EPN2: variants seen among roughly 807,000 people sequenced by gnomAD.
EPN2 encodes the protein epsin-2.
A neutral mutation model predicts 61.7 loss-of-function variants in EPN2; 34 were observed. The ratio of observed to expected loss-of-function variants is 0.55; its 90% CI spans 0.42 to 0.73. The LOEUF (loss-of-function observed/expected upper bound fraction) is 0.73, where lower values mean the gene tolerates loss of function less well. Ranked by LOEUF, EPN2 falls within the 30% of genes least tolerant of loss-of-function variation. EPN2 has a pLI of 0.00. For missense variants in EPN2, 714 were observed against 839.2 expected (o/e 0.85, Z 1.84); for synonymous variants, 349 against 353.6 (o/e 0.99, Z 0.15).
intron 1 of EPN2, among the ~76,000 whole-genome samples, chr17:19,256,639 G>A (rs2045083021): frequency 1.3e-5 from 2 of 152,048 alleles, no homozygotes; most frequent in Non-Finnish European, 2.9e-5. Context: ...TTTTCGGCTG[G>A]TGGCACCCCG....
intron 10 of EPN2, among the ~76,000 whole-genome samples, chr17:19,333,632 A>G (rs1395605988): frequency 3.9e-5 from 6 of 152,092 alleles, no homozygotes; most frequent in African/African-American, 1.4e-4. Context: ...GTGGTAGCTG[A>G]TGGCTGGTGA....
rs899229615 is a variant in EPN2, at chr17:19,336,059, G to C, written c.*1805G>C. ...CAGGAGAGATCTTAAATGGTCTCTG[G>C]GCTGCTGGGACATGCAGGCTCTGAG... is the stretch of plus-strand genomic sequence containing the variant. On this transcript the variant is annotated 3_prime_UTR_variant, in exon 11 of 11. Transcript: ENST00000314728. The C allele has an allele frequency of 6.6e-6, 1 of 152,266 alleles. No homozygotes were observed. The highest frequency in any genetic ancestry group is 2.4e-5 in the African/African-American group (1 of 41,446). The allele number at this position is 152,266 out of a possible 1,614,324, so 9.4% of individuals were successfully genotyped here. A position where few individuals can be genotyped will look rare whatever the true frequency, so the allele number is the denominator to read the frequency against.
chr17:19,286,680 C>T (rs2045408147), intron 4 of EPN2, among the ~76,000 whole-genome samples: 1 of 152,200 alleles, frequency 6.6e-6, no homozygotes, highest in South Asian at 2.1e-4. Context: ...ACAGTTCATT[C>T]ATGCCTCATT....
chr17:19,285,715 C>T lies in EPN2; in HGVS notation c.691C>T (p.Pro231Ser), dbSNP rs376511275. The stretch of plus-strand genomic sequence containing the variant: ...ACTGAGCCAGCGCCACCCCTTCCTG[C>T]CGCACCTGGGGCTGGCCTCCCGCCC... ...QPLSQRHPFL[P>S]HLGLASRPNG... The change falls in exon 4 of 11, where the codon CCG becomes TCG. Residue 231 changes from proline to serine, a missense_variant. Around this residue, in one of 2 missense-constraint regions of EPN2, gnomAD observed 304 missense variants for 417.4 expected, o/e 0.73. Transcript: ENST00000314728. This position sits in a 1 kb window ranked among gnomAD's most constrained non-coding sequence, Gnocchi z 4.5. 4.4e-6 allele frequency: 7 copies of T among 1,605,198 alleles called. No homozygotes were observed. The Admixed American group carries it at 8.4e-5, about 19-fold the overall frequency.
intron 4 of EPN2, among the ~76,000 whole-genome samples, chr17:19,300,262 C>G (rs994470852): frequency 2.0e-5 from 3 of 152,112 alleles, no homozygotes; most frequent in African/African-American, 7.2e-5. Flanking sequence ...GGTGTCAGAT[C>G]CCACGCCATT....
intron 7 of EPN2, among the ~76,000 whole-genome samples, chr17:19,328,311 G>A (rs1300744567): frequency 6.6e-6 from 1 of 152,126 alleles, no homozygotes; most frequent in Non-Finnish European, 1.5e-5. Context: ...GGCTGCCTGG[G>A]GCCCCTTGTC....
rs190945507 is a variant in EPN2 at position 19,260,726 on chromosome 17, C to T, written c.-293-21229C>T. On this transcript the variant is annotated intron_variant, in intron 1 of 10. Coordinates refer to ENST00000314728, the MANE Select transcript of EPN2 (RefSeq NM_014964.5). ...ATATTTTAAGAAATTTTGCCCCTCA[C>T]TCCTGATCTCATCTCTGTCCTCCCT... is the stretch of plus-strand genomic sequence containing the variant. 1.6e-3 allele frequency among the ~76,000 whole-genome samples: 248 copies of T among 151,980 alleles called. 1 individual carries two copies. The highest frequency in any genetic ancestry group is 5.5e-3 in the African/African-American group (226 of 41,448).
chr17:19,282,937 T>C lies in EPN2; in HGVS notation c.-170-13T>C. 1 of 577,412 alleles carries C rather than the reference T, an allele frequency of 1.7e-6. No individual in the cohort carries two copies. The highest frequency in any genetic ancestry group is 2.3e-5 in the South Asian group (1 of 44,354). 35.8% of individuals were successfully genotyped at this position (577,412 alleles called of 1,614,324 possible). A position where few individuals can be genotyped will look rare whatever the true frequency, so the allele number is the denominator to read the frequency against. ...GCTTACGTCGCAGTGGAATGGGTTT[T>C]CTCTTTCTCTAGGTCATGGCTTCCA... On this transcript the variant is annotated splice_polypyrimidine_tract_variant and intron_variant, in intron 2 of 10. Coordinates refer to ENST00000314728, the MANE Select transcript of EPN2 (RefSeq NM_014964.5).
In EPN2 at chr17:19,290,720, A is replaced by AAAAAAAAAAAAAAAG. The variant is rs1555600084; in HGVS notation, c.766+4935_766+4936insAAAAAAAAAGAAAAA. Among the ~76,000 whole-genome samples the AAAAAAAAAAAAAAAG allele has an allele frequency of 8.5e-5, 9 of 105,566 alleles. 3 individuals are homozygous for AAAAAAAAAAAAAAAG. The highest frequency in any genetic ancestry group is 1.9e-4 in the Admixed American group (2 of 10,368). The allele number at this position is 105,566 out of a possible 152,430, so 69.3% of individuals were successfully genotyped here. A position where few individuals can be genotyped will look rare whatever the true frequency, so the allele number is the denominator to read the frequency against. ...GTTCTCAAAAAAAAAAAAAAAGAAAAAAAAAGAAAAAGGAAGGCAGGCAGA... is the reference window on the plus strand; with the variant it reads ...GTTCTCAAAAAAAAAAAAAAAGAAAAAAAAAAAAAAAAAAGAAAAAGAAAAAGGAAGGCAGGCAGA... On this transcript the variant is annotated intron_variant, in intron 4 of 10. Coordinates refer to ENST00000314728, the MANE Select transcript of EPN2 (RefSeq NM_014964.5).
At chr17:19,247,753 G>A (rs567282537) in intron 1 of EPN2, among the ~76,000 whole-genome samples, 2 of 152,320 alleles carry the variant, frequency 1.3e-5, no homozygotes, top group East Asian at 3.9e-4. Flanking sequence ...TTGAGAAGGG[G>A]GCCCTGCGGA....
chr17:19,303,140 A>T (rs908224842), intron 4 of EPN2, among the ~76,000 whole-genome samples: 1 of 152,192 alleles, frequency 6.6e-6, no homozygotes, highest in African/African-American at 2.4e-5. Flanking sequence ...ACTTCCTTTT[A>T]TGCTGAAATA....
At chr17:19,286,264 T>A (rs1477384056) in intron 4 of EPN2, among the ~76,000 whole-genome samples, 1 of 151,612 alleles carries the variant, frequency 6.6e-6, no homozygotes, top group Non-Finnish European at 1.5e-5. Flanking sequence ...TGCCTTGCCC[T>A]GAATAAAATG....
At chr17:19,242,700 C>T (rs2044898822) in intron 1 of EPN2, among the ~76,000 whole-genome samples, 1 of 152,140 alleles carries the variant, frequency 6.6e-6, no homozygotes, top group South Asian at 2.1e-4. Context: ...ATTGGACATG[C>T]AAAGGGCTGT....
At chr17:19,280,190 G>A (rs1370166079) in intron 1 of EPN2, among the ~76,000 whole-genome samples, 1 of 152,144 alleles carries the variant, frequency 6.6e-6, no homozygotes, top group Non-Finnish European at 1.5e-5. Context: ...CTGAGAAGCT[G>A]AAGAGTCATA....
intron 4 of EPN2, among the ~76,000 whole-genome samples, chr17:19,295,391 G>A (rs2045509812): frequency 7.0e-6 from 1 of 141,856 alleles, no homozygotes; most frequent in African/African-American, 2.6e-5. Context: ...AAATAGCCAG[G>A]TGTAGTGGTG....
At chr17:19,272,669 A>G (rs184331018) in intron 1 of EPN2, among the ~76,000 whole-genome samples, 26 of 152,226 alleles carry the variant, frequency 1.7e-4, no homozygotes, top group African/African-American at 6.3e-4. Context: ...GCATTTTGGC[A>G]TGATTTTTAA....
chr17:19,262,822 A>G (rs1396761798), intron 1 of EPN2, among the ~76,000 whole-genome samples: 1 of 152,258 alleles, frequency 6.6e-6, no homozygotes, highest in Non-Finnish European at 1.5e-5. Flanking sequence ...GACATTCCAC[A>G]TAAATGGAGT....
At chr17:19,262,185 TA>T (rs1015785708) in intron 1 of EPN2, among the ~76,000 whole-genome samples, 2 of 139,268 alleles carry the variant, frequency 1.4e-5, no homozygotes. Flanking sequence ...AGACTCCATC[TA>T]AAAAAAAACA....
chr17:19,303,066 A>G (rs938285635), intron 4 of EPN2, among the ~76,000 whole-genome samples: 1 of 152,268 alleles, frequency 6.6e-6, no homozygotes, highest in Non-Finnish European at 1.5e-5. Context: ...TGGAAGCACA[A>G]GAAAATGTGA....
Sources: allele counts gnomAD v4.1 joint callset (sites outside exome capture counted in the v4.1 genomes callset), GRCh38; gene constraint gnomAD v4.1.1; regional missense constraint gnomAD v4.1.1; non-coding constraint Gnocchi (gnomAD v3.1); transcripts MANE v1.5; gene names NCBI Gene and HGNC (gene_info 2026-07-23, HGNC 2026-07-21).